SLC38A6: variants seen among roughly 807,000 people sequenced by gnomAD.
The protein encoded by SLC38A6 is N system amino acid transporter NAT-1.
SLC38A6 carries 73 observed loss-of-function variants against 65.0 expected under a neutral mutation model. The observed-to-expected ratio is 1.12, with a 90% CI of 0.93 to 1.37. SLC38A6 has a LOEUF of 1.37. Ranked by LOEUF, SLC38A6 falls within the 40% of genes most tolerant of loss-of-function variation. The pLI is 0.00. For missense variants in SLC38A6, 561 were observed against 531.1 expected, an observed-to-expected ratio of 1.06 and a Z score of -0.55; for synonymous variants, 183 against 178.8, an observed-to-expected ratio of 1.02 and a Z score of -0.19.
intron 3 of SLC38A6, among the ~76,000 whole-genome samples, chr14:61,004,970 A>G (rs1218782948): frequency 6.6e-6 from 1 of 152,140 alleles, no homozygotes; most frequent in Non-Finnish European, 1.5e-5. Flanking sequence ...CCAGCAGCAC[A>G]TCAAAAAGCT....
downstream of SLC38A6, chr14:61,052,991 A>T (rs2042586452): frequency 6.6e-6 from 1 of 152,376 alleles, no homozygotes; most frequent in Non-Finnish European, 1.5e-5. Context: ...CCCAGGTATT[A>T]AACCCAGTAC....
rs928879738 is a variant in SLC38A6 at position 61,044,043 on chromosome 14, A to G, written c.744+540A>G. On this transcript the variant is annotated intron_variant, in intron 10 of 15. Coordinates refer to ENST00000267488, the MANE Select transcript of SLC38A6 (RefSeq NM_153811.3). ...CTTTGCCTTCCCTAAAAGCCATAGG[A>G]TACTGGAAATGCCTGTAAGAGCCCC... Among the ~76,000 whole-genome samples, 63 of 152,274 alleles carry G rather than the reference A, an allele frequency of 4.1e-4. 1 individual carries two copies. Among genetic ancestry groups the G allele is most frequent in the African/African-American group, 1.3e-3 (56 of 41,566 alleles).
At chr14:61,065,111 G>A (rs1035016440) in intron 15 of SLC38A6, among the ~76,000 whole-genome samples, 1 of 150,516 alleles carries the variant, frequency 6.6e-6, no homozygotes, top group Admixed American at 6.6e-5. Context: ...AAATCTTTGG[G>A]GTGTGTGTGT....
At chr14:61,029,155 C>CTTTT (rs111427405) in intron 5 of SLC38A6, among the ~76,000 whole-genome samples, 2 of 130,342 alleles carry the variant, frequency 1.5e-5, no homozygotes, top group Admixed American at 7.8e-5. Flanking sequence ...ACTCTTTATT[C>CTTTT]TTTTTTTTTT....
intron 15 of SLC38A6, among the ~76,000 whole-genome samples, chr14:61,061,860 C>T (rs907000628): frequency 6.6e-6 from 1 of 151,608 alleles, no homozygotes. Flanking sequence ...TGTTTTGAGA[C>T]AGAGTCTTAC....
intron 8 of SLC38A6, among the ~76,000 whole-genome samples, chr14:61,042,634 A>C (rs4447342): frequency 1 from 151,728 of 152,302 alleles, 75,583 homozygotes; most frequent in Middle Eastern, 1. Flanking sequence ...TCTCCACATT[A>C]ACCAAAAATA....
At chr14:61,080,543 C>T (rs545798440) in intron 16 of SLC38A6, among the ~76,000 whole-genome samples, 1 of 152,302 alleles carries the variant, frequency 6.6e-6, no homozygotes, top group East Asian at 1.9e-4. Flanking sequence ...GAGTTCTACC[C>T]TCATGGATGC....
chr14:60,993,707 A>G (rs2038071006), intron 3 of SLC38A6, among the ~76,000 whole-genome samples: 1 of 152,226 alleles, frequency 6.6e-6, no homozygotes, highest in South Asian at 2.1e-4. Context: ...ATCATCATAT[A>G]GTTAAGCATA....
chr14:60,981,392 C>G lies in SLC38A6; in HGVS notation c.105+10C>G, dbSNP rs765646357. ...TCCGTTGCTAAGCAACGTAAGTGGGCTGTGTTCGCTTCCCCGCGCTGACGC... is the reference window on the plus strand; with the variant it reads ...TCCGTTGCTAAGCAACGTAAGTGGGGTGTGTTCGCTTCCCCGCGCTGACGC... On this transcript the variant is annotated intron_variant, in intron 1 of 15. Transcript: ENST00000267488. 3.8e-6 allele frequency: 6 copies of G among 1,581,944 alleles called. No homozygotes were observed. The East Asian group carries it at 1.2e-4, about 30-fold the overall frequency.
intron 3 of SLC38A6, among the ~76,000 whole-genome samples, chr14:60,991,660 T>G (rs2139714399): frequency 1.3e-5 from 2 of 152,340 alleles, no homozygotes; most frequent in Admixed American, 1.3e-4. Flanking sequence ...CACATGACTT[T>G]GCTCACTCAT....
At chr14:61,036,211 ATATGATGTT>A in intron 6 of SLC38A6, among the ~76,000 whole-genome samples, 1 of 152,258 alleles carries the variant, frequency 6.6e-6, no homozygotes, top group East Asian at 1.9e-4. Flanking sequence ...ACACACAAAT[ATATGATGTT>A]TACTGAATAT....
chr14:61,011,714 C>G lies in SLC38A6; in HGVS notation c.311-4190C>G, dbSNP rs146226384. Among the ~76,000 whole-genome samples the G allele has an allele frequency of 8.6e-3, 1,303 of 152,232 alleles. 22 individuals are homozygous for G. Among genetic ancestry groups the G allele is most frequent in the African/African-American group, 0.03 (1,229 of 41,528 alleles). ...GATTTGCGTATGTTGAACCAGCCTT[C>G]CATCCCAGGGATGAAGCCGACTTGA... is the stretch of plus-strand genomic sequence containing the variant. On this transcript the variant is annotated intron_variant, in intron 3 of 15. Transcript: ENST00000267488.
chr14:61,018,673 A>G (rs1438946931), intron 4 of SLC38A6, among the ~76,000 whole-genome samples: 1 of 152,200 alleles, frequency 6.6e-6, no homozygotes, highest in African/African-American at 2.4e-5. Context: ...CTCTAAGCAT[A>G]TCTGATTACC....
chr14:60,993,639 A>G (rs2038065922), intron 3 of SLC38A6, among the ~76,000 whole-genome samples: 1 of 152,186 alleles, frequency 6.6e-6, no homozygotes, highest in Non-Finnish European at 1.5e-5. Context: ...AAGAGAAAAG[A>G]CCTACAGGTA....
intron 4 of SLC38A6, among the ~76,000 whole-genome samples, chr14:61,017,909 A>G (rs2040115034): frequency 6.6e-6 from 1 of 152,218 alleles, no homozygotes; most frequent in African/African-American, 2.4e-5. Context: ...CAGATGTTAT[A>G]TAGTTATAAT....
downstream of SLC38A6, among the ~76,000 whole-genome samples, chr14:61,055,112 TTTTTTC>T (rs1566718078): frequency 1.9e-4 from 25 of 133,380 alleles, no homozygotes; most frequent in Middle Eastern, 3.7e-3. Context: ...TTTTCTTTTT[TTTTTTC>T]TTTTTTTTTT....
intron 5 of SLC38A6, among the ~76,000 whole-genome samples, chr14:61,025,559 A>G (rs952360780): frequency 2.0e-5 from 3 of 152,054 alleles, no homozygotes; most frequent in Admixed American, 6.6e-5. Flanking sequence ...ATTTGACAAC[A>G]TTTACTGGTA....
intron 12 of SLC38A6, chr14:61,048,108 G>A (rs2042273113): frequency 2.2e-6 from 1 of 450,930 alleles, no homozygotes; most frequent in Admixed American, 2.4e-5. Context: ...CTTGGATTGT[G>A]AATCATAACC....
At position 61,051,807 on chromosome 14, in the gene SLC38A6, G is replaced by T. The variant is rs530415277; in HGVS notation, c.1071G>T (p.Met357Ile). ...IHFPARKAVT[M>I]MFFSNFPFSW... ...TACAGGCCAGAAAAGCTGTAACAAT[G>T]ATGTTTTTCTCCAATTTTCCATTCT... Residue 357 changes from methionine (M) to isoleucine (I), a missense_variant, in exon 14 of 16, where the codon ATG becomes ATT. Coordinates refer to ENST00000267488, the MANE Select transcript of SLC38A6 (RefSeq NM_153811.3). 1.2e-6 allele frequency: 2 copies of T among 1,611,898 alleles called. No homozygotes were observed. The highest frequency in any genetic ancestry group is 1.7e-6 in the Non-Finnish European group (2 of 1,179,228).
Sources: gnomAD v4.1 joint callset for allele counts (sites outside exome capture counted in the v4.1 genomes callset) on GRCh38, gnomAD v4.1.1 for gene constraint, MANE v1.5 for transcripts, NCBI Gene and HGNC (gene_info 2026-07-23, HGNC 2026-07-21) for gene names.